Variants in MNAT1 observed in about 807,000 individuals in gnomAD.
The protein encoded by MNAT1 is CDK-activating kinase assembly factor MAT1.
MNAT1 carries 43 observed loss-of-function variants against 42.0 expected under a neutral mutation model. The ratio of observed to expected loss-of-function variants is 1.02; its 90% CI spans 0.80 to 1.32. The LOEUF is 1.32. Ranked by LOEUF, MNAT1 falls within the 40% of genes most tolerant of loss-of-function variation. The probability of loss-of-function intolerance (pLI) is 0.00; values close to 1 mark genes in which losing one functional copy is unlikely to be tolerated. For missense variants in MNAT1, 306 were observed against 350.4 expected (o/e 0.87, Z 1.01); for synonymous variants, 118 against 120.0 (o/e 0.98, Z 0.11).
chr14:60,888,350 C>A (rs1486457652), intron 7 of MNAT1, among the ~76,000 whole-genome samples: 2 of 152,048 alleles, frequency 1.3e-5, no homozygotes, highest in Non-Finnish European at 2.9e-5. Context: ...ACAAAAACCA[C>A]ATGATTATCT....
At chr14:60,959,380 A>G (rs530671699) in intron 7 of MNAT1, among the ~76,000 whole-genome samples, 2 of 152,220 alleles carry the variant, frequency 1.3e-5, no homozygotes, top group Non-Finnish European at 2.9e-5. Context: ...TGATACTGAT[A>G]GCCCCCATCC....
At chr14:60,960,150 G>A (rs867765665) in intron 7 of MNAT1, among the ~76,000 whole-genome samples, 7 of 152,082 alleles carry the variant, frequency 4.6e-5, no homozygotes, top group Admixed American at 1.3e-4. Context: ...TTAGGTGGGG[G>A]AATCAAATAG....
At chr14:60,777,924 A>T (rs527302831) in intron 1 of MNAT1, among the ~76,000 whole-genome samples, 26 of 152,318 alleles carry the variant, frequency 1.7e-4, no homozygotes, top group Admixed American at 1.4e-3. Context: ...TAGTTGGCTG[A>T]ATTTAATAGG....
intron 6 of MNAT1, among the ~76,000 whole-genome samples, chr14:60,836,393 A>T (rs1439624097): frequency 1.3e-5 from 2 of 152,026 alleles, no homozygotes; most frequent in African/African-American, 4.8e-5. Context: ...TTGGTCTTTG[A>T]CGTTGGTGAC....
At chr14:60,868,139 C>T (rs2034246708) in intron 6 of MNAT1, among the ~76,000 whole-genome samples, 1 of 152,100 alleles carries the variant, frequency 6.6e-6, no homozygotes, top group African/African-American at 2.4e-5. Context: ...CAGGTATATT[C>T]TTTAAGTACT....
At chr14:60,945,797 T>C (rs983192907) in intron 7 of MNAT1, among the ~76,000 whole-genome samples, 2 of 152,192 alleles carry the variant, frequency 1.3e-5, no homozygotes, top group Admixed American at 6.5e-5. Flanking sequence ...AGGTATCATT[T>C]TGCACACAGA....
chr14:60,853,454 A>G (rs1476769938), intron 6 of MNAT1, among the ~76,000 whole-genome samples: 1 of 152,120 alleles, frequency 6.6e-6, no homozygotes, highest in Non-Finnish European at 1.5e-5. Flanking sequence ...GGGTGAGATG[A>G]TGGGATTTTT....
At chr14:60,799,785 G>A (rs941078688) in intron 3 of MNAT1, among the ~76,000 whole-genome samples, 2 of 151,860 alleles carry the variant, frequency 1.3e-5, no homozygotes, top group African/African-American at 4.8e-5. Flanking sequence ...TGAAGGTGTG[G>A]ACAACATGGG....
At chr14:60,780,007 A>C in intron 1 of MNAT1, 1 of 1,565,830 alleles carries the variant, frequency 6.4e-7, no homozygotes, top group Non-Finnish European at 8.8e-7. Flanking sequence ...GGGAGCAGGG[A>C]ATCACCCTGC....
chr14:60,856,900 C>G (rs533025616), intron 6 of MNAT1, among the ~76,000 whole-genome samples: 1 of 152,034 alleles, frequency 6.6e-6, no homozygotes, highest in African/African-American at 2.4e-5. Context: ...AGGCTGGTCT[C>G]GAACTCCTCA....
chr14:60,924,631 C>T (rs2035729118), intron 7 of MNAT1, among the ~76,000 whole-genome samples: 2 of 23,626 alleles, frequency 8.5e-5, no homozygotes, highest in Non-Finnish European at 1.6e-3. Context: ...ATAACATCAC[C>T]CTCCCTGACT....
intron 1 of MNAT1, among the ~76,000 whole-genome samples, chr14:60,784,201 T>TTTTTTTTTTC (rs1435948099): frequency 2.8e-5 from 4 of 143,868 alleles, no homozygotes; most frequent in African/African-American, 7.9e-5. Flanking sequence ...TTTTTTTTTT[T>TTTTTTTTTTC]TTAGTAGAGG....
chr14:60,770,305 A>G (rs1238113181), intron 1 of MNAT1, among the ~76,000 whole-genome samples: 2 of 152,146 alleles, frequency 1.3e-5, no homozygotes, highest in Non-Finnish European at 2.9e-5. Context: ...ATATATATAT[A>G]GTATCCTTAT....
chr14:60,751,965 C>G (rs1321832146), intron 1 of MNAT1, among the ~76,000 whole-genome samples: 1 of 152,250 alleles, frequency 6.6e-6, no homozygotes, highest in East Asian at 1.9e-4. Flanking sequence ...CAAACTGCAT[C>G]TAGCACTAAC....
At chr14:60,872,835 T>C (rs199663190) in intron 6 of MNAT1, among the ~76,000 whole-genome samples, 205 of 146,946 alleles carry the variant, frequency 1.4e-3, no homozygotes, top group Middle Eastern at 0.011. Context: ...CACACACACA[T>C]ACACACACAC....
intron 6 of MNAT1, among the ~76,000 whole-genome samples, chr14:60,853,853 G>T (rs568680554): frequency 5.3e-5 from 8 of 152,268 alleles, no homozygotes; most frequent in African/African-American, 1.7e-4. Context: ...TACATTTTTT[G>T]ATTTGTGTAT....
At position 60,734,888 on chromosome 14, in the gene MNAT1, G is replaced by GTT; in HGVS notation, c.27_28insTT (p.Lys10LeufsTer11). The GTT allele has an allele frequency of 6.2e-7, 1 of 1,614,174 alleles. No individual in the cohort carries two copies. The highest frequency in any genetic ancestry group is 8.5e-7 in the Non-Finnish European group (1 of 1,180,020). On this transcript the variant is annotated frameshift_variant, in exon 1 of 8. Transcript: ENST00000261245. LOFTEE classifies it high-confidence loss of function. This position sits in a 1 kb window ranked among gnomAD's most constrained non-coding sequence, Gnocchi z 4.3. Reference sequence around the variant, plus strand: ...ATGGACGATCAGGGTTGCCCTCGGTGTAAGACCACCAAATATCGGAACCCC... The same window carrying GTT: ...ATGGACGATCAGGGTTGCCCTCGGTGTTTAAGACCACCAAATATCGGAACCCC...
chr14:60,784,998 G>A (rs569223242), intron 1 of MNAT1, among the ~76,000 whole-genome samples: 9 of 152,120 alleles, frequency 5.9e-5, no homozygotes, highest in African/African-American at 2.2e-4. Context: ...GACTACAGGT[G>A]TGTACCACCA....
intron 6 of MNAT1, among the ~76,000 whole-genome samples, chr14:60,835,795 G>A (rs556255261): frequency 1.3e-5 from 2 of 152,226 alleles, no homozygotes; most frequent in African/African-American, 4.8e-5. Flanking sequence ...GCTAGGTTGG[G>A]GAAGTTCTCC....
Sources: gnomAD v4.1 joint callset for allele counts (sites outside exome capture counted in the v4.1 genomes callset) on GRCh38, gnomAD v4.1.1 for gene constraint, Gnocchi (gnomAD v3.1) non-coding constraint, MANE v1.5 for transcripts, NCBI Gene and HGNC (gene_info 2026-07-23, HGNC 2026-07-21) for gene names.